NLGN1: variants seen among roughly 807,000 people sequenced by gnomAD.
NLGN1 encodes the protein neuroligin-1.
Under a neutral mutation model 65.5 loss-of-function variants are expected in NLGN1, and 12 were observed. That is an observed-to-expected ratio of 0.18 (90% CI 0.12 to 0.30). The LOEUF (loss-of-function observed/expected upper bound fraction) is 0.30. NLGN1 is among the 10% of genes least tolerant of loss of function. The pLI, the probability that NLGN1 is intolerant of heterozygous loss-of-function variation, is 1.00. For missense variants in NLGN1, 750 were observed against 1,007.1 expected (o/e 0.74, Z 3.46); for synonymous variants, 350 against 359.5 (o/e 0.97, Z 0.30).
At chr3:173,578,274 G>C (rs1264390805) in intron 2 of NLGN1, among the ~76,000 whole-genome samples, 1 of 151,944 alleles carries the variant, frequency 6.6e-6, no homozygotes, top group African/African-American at 2.4e-5. Flanking sequence ...AATTTTAAGG[G>C]TTCCTTTATT....
chr3:174,133,492 A>T (rs776547878), intron 4 of NLGN1, among the ~76,000 whole-genome samples: 1 of 152,062 alleles, frequency 6.6e-6, no homozygotes, highest in Non-Finnish European at 1.5e-5. Flanking sequence ...CAATCTTTGG[A>T]GGTATTTTGT....
rs192520271 is a variant in NLGN1, at chr3:173,731,700, A to G, written c.494-75980A>G. ...TTCATTATTGCATAAGGAAACCAAA[A>G]AAAGAAAAATACAAATTCTGTTTAA... On this transcript the variant is annotated intron_variant, in intron 3 of 6. Transcript: ENST00000457714. 2.6e-5 allele frequency among the ~76,000 whole-genome samples: 4 copies of G among 152,204 alleles called. No individual in the cohort carries two copies. The East Asian group carries it at 7.7e-4, about 29-fold the overall frequency.
chr3:174,244,004 A>G (rs934755669), intron 4 of NLGN1, among the ~76,000 whole-genome samples: 4 of 152,170 alleles, frequency 2.6e-5, no homozygotes, highest in Admixed American at 2.6e-4. Flanking sequence ...AAAGAAAAAA[A>G]GCTGAATTTG....
intron 4 of NLGN1, among the ~76,000 whole-genome samples, chr3:174,237,183 C>G (rs115536419): frequency 6.6e-6 from 1 of 151,990 alleles, no homozygotes; most frequent in Non-Finnish European, 1.5e-5. Flanking sequence ...AATACTTTAT[C>G]CTCACTTTTA....
intron 2 of NLGN1, among the ~76,000 whole-genome samples, chr3:173,550,115 G>A (rs1191908702): frequency 6.6e-6 from 1 of 151,990 alleles, no homozygotes; most frequent in African/African-American, 2.4e-5. Context: ...AGGTCTTCAT[G>A]CTGCCTACAT....
chr3:174,291,055 ATT>A (rs1297847208), downstream of NLGN1, among the ~76,000 whole-genome samples: 111 of 150,942 alleles, frequency 7.4e-4, 1 homozygote, highest in African/African-American at 2.6e-3. Flanking sequence ...TTAAGACTAA[ATT>A]AAAGGAAATG....
At chr3:174,038,774 C>T (rs1350704481) in intron 4 of NLGN1, among the ~76,000 whole-genome samples, 2 of 152,076 alleles carry the variant, frequency 1.3e-5, no homozygotes, top group Non-Finnish European at 2.9e-5. Flanking sequence ...GTTCTAATTG[C>T]CTTATGTTTT....
At chr3:173,717,570 T>G (rs1175796744) in intron 3 of NLGN1, among the ~76,000 whole-genome samples, 1 of 152,136 alleles carries the variant, frequency 6.6e-6, no homozygotes, top group Non-Finnish European at 1.5e-5. Flanking sequence ...AATGATAACC[T>G]CAGTACAGGC....
chr3:174,049,080 A>G (rs1453624519), intron 4 of NLGN1, among the ~76,000 whole-genome samples: 1 of 152,086 alleles, frequency 6.6e-6, no homozygotes, highest in Non-Finnish European at 1.5e-5. Context: ...TTACACCTAC[A>G]AGACAAAGAG....
chr3:174,025,413 A>G (rs1728642201), intron 4 of NLGN1, among the ~76,000 whole-genome samples: 1 of 152,200 alleles, frequency 6.6e-6, no homozygotes, highest in African/African-American at 2.4e-5. Context: ...AGGAAATTAC[A>G]TACAAAGCCA....
intron 4 of NLGN1, among the ~76,000 whole-genome samples, chr3:173,828,237 T>G (rs1216607678): frequency 6.6e-6 from 1 of 152,176 alleles, no homozygotes; most frequent in Non-Finnish European, 1.5e-5. Context: ...GACACTTGAT[T>G]TAAACATTTA....
chr3:173,899,220 T>A (rs529206131), intron 4 of NLGN1, among the ~76,000 whole-genome samples: 1 of 152,084 alleles, frequency 6.6e-6, no homozygotes, highest in Non-Finnish European at 1.5e-5. Context: ...AAATACATTT[T>A]AAAAACCTAA....
intron 4 of NLGN1, among the ~76,000 whole-genome samples, chr3:173,967,174 T>G (rs1198908726): frequency 6.6e-6 from 1 of 152,116 alleles, no homozygotes; most frequent in Non-Finnish European, 1.5e-5. Flanking sequence ...ACAGACTAGC[T>G]GAAATGGAGT....
At chr3:174,275,570 A>T (rs1447829096) in intron 5 of NLGN1, 43 bp downstream of exon 5, 6 of 1,192,200 alleles carry the variant, frequency 5.0e-6, no homozygotes, top group Non-Finnish European at 7.5e-6. Flanking sequence ...TGGTGTCTGC[A>T]TGCCACCACC....
chr3:173,783,040 T>C (rs1238107021), intron 3 of NLGN1, among the ~76,000 whole-genome samples: 2 of 152,114 alleles, frequency 1.3e-5, no homozygotes, highest in African/African-American at 4.8e-5. Context: ...TAATTGCTAA[T>C]GTCTACAGAA....
intron 2 of NLGN1, among the ~76,000 whole-genome samples, chr3:173,494,254 T>C (rs1200165319): frequency 2.0e-5 from 3 of 151,688 alleles, no homozygotes; most frequent in Admixed American, 6.6e-5. Context: ...TATCTTATTG[T>C]GGTTTTAATT....
chr3:174,194,447 C>CA (rs1263233084), intron 4 of NLGN1, among the ~76,000 whole-genome samples: 152 of 113,502 alleles, frequency 1.3e-3, no homozygotes, highest in Middle Eastern at 5.2e-3. Context: ...GACTCCGTCT[C>CA]AAAAAAAAAA....
rs1736944953 is a variant in NLGN1, at chr3:174,212,830, T to A, written c.647-62485T>A. Among the ~76,000 whole-genome samples the A allele has an allele frequency of 2.6e-5, 4 of 152,334 alleles. No homozygotes were observed. The South Asian group carries it at 8.3e-4, about 32-fold the overall frequency. ...CTGAAGGGGAATCCATTTCTTTGCC[T>A]CCTGCATCTTCTAGGAGCTACCTAC... On this transcript the variant is annotated intron_variant, in intron 4 of 6. Coordinates refer to ENST00000457714, the Ensembl canonical transcript of NLGN1.
intron 1 of NLGN1, among the ~76,000 whole-genome samples, chr3:173,407,335 C>G (rs1176250025): frequency 6.6e-6 from 1 of 152,090 alleles, no homozygotes; most frequent in East Asian, 1.9e-4. Flanking sequence ...ATAACATAGG[C>G]TCACTTCCTT....
Sources: allele counts gnomAD v4.1 joint callset (sites outside exome capture counted in the v4.1 genomes callset), GRCh38; gene constraint gnomAD v4.1.1; transcripts MANE v1.5; gene names NCBI Gene and HGNC (gene_info 2026-07-23, HGNC 2026-07-21).